The following LIMCH1 variants were observed in gnomAD, a reference collection of about 807,000 sequenced individuals.
The protein encoded by LIMCH1 is LIM and calponin homology domains-containing protein 1.
In LIMCH1, 113 loss-of-function variants were observed where a neutral mutation model predicts 176.5. The ratio of observed to expected loss-of-function variants is 0.64; its 90% CI spans 0.55 to 0.75. LIMCH1 has a LOEUF of 0.75. Among genes scored for constraint, LIMCH1 ranks in the 30% least tolerant of loss-of-function variants. The pLI is 0.00. For missense variants in LIMCH1, 1,674 were observed against 1,814.9 expected, an observed-to-expected ratio of 0.92 and a Z score of 1.41; for synonymous variants, 619 against 645.9, an observed-to-expected ratio of 0.96 and a Z score of 0.63.
At chr4:41,379,613 C>T (rs181976040) in intron 1 of LIMCH1, among the ~76,000 whole-genome samples, 123 of 152,206 alleles carry the variant, frequency 8.1e-4, no homozygotes, top group Admixed American at 3.2e-3. Context: ...AGTGGCTACA[C>T]GATCAATATG....
intron 1 of LIMCH1, among the ~76,000 whole-genome samples, chr4:41,596,411 A>T (rs972962654): frequency 2.6e-5 from 4 of 152,172 alleles, no homozygotes; most frequent in Non-Finnish European, 5.9e-5. Flanking sequence ...TGGTTTGCAT[A>T]GCTAAAATCA....
At chr4:41,505,278 A>G (rs1428120883) in intron 2 of LIMCH1, among the ~76,000 whole-genome samples, 1 of 152,182 alleles carries the variant, frequency 6.6e-6, no homozygotes, top group East Asian at 1.9e-4. Flanking sequence ...GTTTTTGGAA[A>G]TAGTCCAAAA....
intron 5 of LIMCH1, among the ~76,000 whole-genome samples, chr4:41,617,536 T>G (rs1048171645): frequency 3.9e-5 from 6 of 152,182 alleles, no homozygotes; most frequent in Non-Finnish European, 5.9e-5. Context: ...CAGATATACT[T>G]GTTTAAGGAC....
intron 1 of LIMCH1, among the ~76,000 whole-genome samples, chr4:41,419,241 A>G (rs2060229931): frequency 6.6e-6 from 1 of 151,886 alleles, no homozygotes; most frequent in Non-Finnish European, 1.5e-5. Context: ...GCAGTGGCAC[A>G]ATCTCAGCTC....
intron 23 of LIMCH1, among the ~76,000 whole-genome samples, chr4:41,676,702 A>C (rs1585761851): frequency 6.6e-6 from 1 of 151,740 alleles, no homozygotes; most frequent in Non-Finnish European, 1.5e-5. Flanking sequence ...GAACCAAAAA[A>C]CCCTCCAAGT....
At chr4:41,657,018 G>A (rs1250027477) in intron 18 of LIMCH1, among the ~76,000 whole-genome samples, 1 of 151,994 alleles carries the variant, frequency 6.6e-6, no homozygotes, top group Non-Finnish European at 1.5e-5. Context: ...GTAGGCTTTG[G>A]GCTAGACCAT....
rs934359975 is a variant in LIMCH1 at position 41,629,721 on chromosome 4, T to A, written c.1258T>A (p.Ser420Thr). Reference protein sequence around the residue: ...DLETWERLKVSEKARDGDVQH... With the variant: ...DLETWERLKVTEKARDGDVQH... ...GGAGACGTGGGAGAGACTCAAAGTG[T>A]CAGAAAAGGCGAGGTGTGTCATGTT... is the stretch of plus-strand genomic sequence containing the variant. The change falls in exon 9 of 32, where the codon TCA (serine) becomes ACA (threonine). Residue 420 changes from serine to threonine, a missense_variant. Ser to Thr is a moderately conservative substitution (Grantham distance 58, BLOSUM62 1). Around this residue, in one of 3 missense-constraint regions of LIMCH1, gnomAD observed 655 missense variants for 692.2 expected, o/e 0.95. Coordinates refer to ENST00000503057, the MANE Select transcript of LIMCH1 (RefSeq NM_001330672.2). The A allele has an allele frequency of 2.0e-6, 3 of 1,535,604 alleles. No individual in the cohort carries two copies. Among genetic ancestry groups the A allele is most frequent in the Non-Finnish European group, 2.6e-6 (3 of 1,146,636 alleles).
At chr4:41,553,973 G>A (rs778135682) in intron 1 of LIMCH1, among the ~76,000 whole-genome samples, 1 of 152,172 alleles carries the variant, frequency 6.6e-6, no homozygotes, top group Non-Finnish European at 1.5e-5. Flanking sequence ...AGCAAGTCAG[G>A]TTCAGGAGAA....
chr4:41,671,005 A>C (rs1337498743), intron 21 of LIMCH1: 17 of 978,146 alleles, frequency 1.7e-5, no homozygotes, highest in Non-Finnish European at 1.9e-5. Context: ...TGTTGATTTC[A>C]AGAATTCAAA....
At chr4:41,626,654 T>G (rs1342372670) in intron 7 of LIMCH1, 54 bp from the exon 8 acceptor site, 1 of 1,422,950 alleles carries the variant, frequency 7.0e-7, no homozygotes, top group African/African-American at 1.4e-5. Flanking sequence ...AGATGGAGAT[T>G]TAATTTTTTT....
intron 1 of LIMCH1, among the ~76,000 whole-genome samples, chr4:41,552,283 T>C (rs755727324): frequency 2.0e-5 from 3 of 152,158 alleles, no homozygotes; most frequent in African/African-American, 4.8e-5. Flanking sequence ...TATGTGTTCA[T>C]GAGCTGTGTG....
intron 1 of LIMCH1, among the ~76,000 whole-genome samples, chr4:41,471,659 G>A (rs1283149715): frequency 6.6e-6 from 1 of 152,194 alleles, no homozygotes; most frequent in African/African-American, 2.4e-5. Context: ...ATTTGGCCGT[G>A]TCCATGTCTC....
intron 1 of LIMCH1, among the ~76,000 whole-genome samples, chr4:41,594,230 G>A (rs1224449892): frequency 6.6e-6 from 1 of 152,136 alleles, no homozygotes; most frequent in Non-Finnish European, 1.5e-5. Context: ...CATTGCATTT[G>A]TTCATGATGG....
intron 1 of LIMCH1, among the ~76,000 whole-genome samples, chr4:41,373,305 G>A (rs985062023): frequency 6.6e-6 from 1 of 152,224 alleles, no homozygotes; most frequent in African/African-American, 2.4e-5. Flanking sequence ...TAATGGAAGA[G>A]CTGAAGAAGA....
chr4:41,682,520 C>T, intron 26 of LIMCH1, 60 bp downstream of exon 26: 3 of 1,559,454 alleles, frequency 1.9e-6, no homozygotes, highest in Non-Finnish European at 2.6e-6. Context: ...CTCGTGCACG[C>T]TCAGGAAGGG....
At chr4:41,399,840 ATTTTTTTTTT>A (rs71198650) in intron 1 of LIMCH1, among the ~76,000 whole-genome samples, 1 of 114,134 alleles carries the variant, frequency 8.8e-6, no homozygotes. Context: ...TGCCCGGCTA[ATTTTTTTTTT>A]TTTTTGTATT....
At chr4:41,514,995 C>T (rs756140072) in intron 2 of LIMCH1, among the ~76,000 whole-genome samples, 5 of 152,184 alleles carry the variant, frequency 3.3e-5, no homozygotes, top group Non-Finnish European at 5.9e-5. Context: ...TGTGTCTGGG[C>T]TTAGCTGGTG....
At chr4:41,523,116 C>T (rs1289282410) in intron 2 of LIMCH1, among the ~76,000 whole-genome samples, 1 of 152,042 alleles carries the variant, frequency 6.6e-6, no homozygotes, top group Non-Finnish European at 1.5e-5. Flanking sequence ...ATGGTGGTAT[C>T]AAAGTCAAAG....
rs559389691 is a variant in LIMCH1 at position 41,426,256 on chromosome 4, C to T, written c.96+65320C>T. ...CGGGATGGTCTCGATCTCCTGACCT[C>T]GTGATCCGCCCGCCTCGGCCTCCCA... is the stretch of plus-strand genomic sequence containing the variant. On this transcript the variant is annotated intron_variant, in intron 1 of 26. Coordinates refer to the LIMCH1 transcript ENST00000313860. 1.4e-3 allele frequency among the ~76,000 whole-genome samples: 216 copies of T among 151,936 alleles called. 1 individual carries two copies. The highest frequency in any genetic ancestry group is 2.5e-3 in the Non-Finnish European group (167 of 67,934).
Sources: gnomAD v4.1 joint callset for allele counts (sites outside exome capture counted in the v4.1 genomes callset) on GRCh38, gnomAD v4.1.1 for gene constraint, gnomAD v4.1.1 regional missense constraint, MANE v1.5 for transcripts, NCBI Gene and HGNC (gene_info 2026-07-23, HGNC 2026-07-21) for gene names.